Variants in MGAT4C observed in about 807,000 individuals in gnomAD.
The protein encoded by MGAT4C is MGAT4 family member C.
MGAT4C carries 19 observed loss-of-function variants against 40.1 expected under a neutral mutation model. The observed-to-expected ratio is 0.47, with a 90% CI of 0.33 to 0.70. The LOEUF is 0.70. Ranked by LOEUF, MGAT4C falls within the 30% of genes least tolerant of loss-of-function variation. The pLI is 0.02. For missense variants in MGAT4C, 491 were observed against 563.2 expected (o/e 0.87, Z 1.30); for synonymous variants, 181 against 187.1 (o/e 0.97, Z 0.27).
chr12:86,203,818 G>T (rs1472320787), intron 1 of MGAT4C, among the ~76,000 whole-genome samples: 2 of 151,786 alleles, frequency 1.3e-5, no homozygotes, highest in Non-Finnish European at 2.9e-5. Context: ...TTAGCTGGGC[G>T]TGGTGGTGCA....
intron 2 of MGAT4C, among the ~76,000 whole-genome samples, chr12:86,654,491 A>G (rs1031902024): frequency 6.6e-6 from 1 of 152,046 alleles, no homozygotes; most frequent in Non-Finnish European, 1.5e-5. Flanking sequence ...ACTTCAAAAC[A>G]TCAGAGGTTT....
chr12:86,710,625 T>C (rs532988526), intron 2 of MGAT4C, among the ~76,000 whole-genome samples: 1 of 152,190 alleles, frequency 6.6e-6, no homozygotes, highest in African/African-American at 2.4e-5. Flanking sequence ...GAAAACAATA[T>C]GGAGATTCCT....
At chr12:86,757,921 T>C (rs1482340534) in intron 1 of MGAT4C, among the ~76,000 whole-genome samples, 4 of 152,174 alleles carry the variant, frequency 2.6e-5, no homozygotes, top group Non-Finnish European at 5.9e-5. Context: ...CTGGTCACTT[T>C]TAAAACCTCT....
At chr12:86,422,376 T>C (rs1956844036) in intron 3 of MGAT4C, among the ~76,000 whole-genome samples, 1 of 152,212 alleles carries the variant, frequency 6.6e-6, no homozygotes, top group Non-Finnish European at 1.5e-5. Flanking sequence ...GAGAAACCAA[T>C]TTATTTTCAA....
chr12:86,250,330 T>TGAGAGAGAGAGA (rs3047014), intron 1 of MGAT4C, among the ~76,000 whole-genome samples: 186 of 142,896 alleles, frequency 1.3e-3, no homozygotes, highest in African/African-American at 4.3e-3. Flanking sequence ...ACACACACAC[T>TGAGAGAGAGAGA]GAGAGAGAGA....
At chr12:86,173,940 T>C (rs1444250331) in intron 1 of MGAT4C, among the ~76,000 whole-genome samples, 2 of 152,092 alleles carry the variant, frequency 1.3e-5, no homozygotes, top group African/African-American at 4.8e-5. Flanking sequence ...GATATCACTG[T>C]GTTGTCTTTA....
chr12:86,056,809 A>T (rs1174731553), intron 1 of MGAT4C, among the ~76,000 whole-genome samples: 1 of 152,132 alleles, frequency 6.6e-6, no homozygotes, highest in East Asian at 1.9e-4. Flanking sequence ...GAATCACCAC[A>T]CTGTCTTCCA....
intron 3 of MGAT4C, among the ~76,000 whole-genome samples, chr12:86,369,197 T>A (rs1013641400): frequency 1.3e-5 from 2 of 152,000 alleles, no homozygotes; most frequent in African/African-American, 4.8e-5. Flanking sequence ...AATTTTCCAT[T>A]GCATGGAATA....
chr12:86,543,440 T>C (rs1959178142), intron 2 of MGAT4C, among the ~76,000 whole-genome samples: 1 of 151,888 alleles, frequency 6.6e-6, no homozygotes, highest in South Asian at 2.1e-4. Context: ...AAAAATTCCT[T>C]AGATTATTCT....
intron 1 of MGAT4C, among the ~76,000 whole-genome samples, chr12:86,145,698 C>T (rs1224420059): frequency 6.6e-6 from 1 of 152,060 alleles, no homozygotes; most frequent in Non-Finnish European, 1.5e-5. Flanking sequence ...ATTTGGTAGT[C>T]ATTTATTTAC....
chr12:86,111,969 G>C (rs982981024), intron 1 of MGAT4C, among the ~76,000 whole-genome samples: 2 of 151,624 alleles, frequency 1.3e-5, no homozygotes, highest in Admixed American at 6.6e-5. Context: ...AAATGCTGTT[G>C]GCATAAAATG....
chr12:86,678,720 A>G (rs993104387), intron 2 of MGAT4C, among the ~76,000 whole-genome samples: 1 of 151,718 alleles, frequency 6.6e-6, no homozygotes, highest in Non-Finnish European at 1.5e-5. Context: ...GAGAATGATG[A>G]TTTCCAATTT....
chr12:86,322,338 G>C (rs936662059), intron 4 of MGAT4C, among the ~76,000 whole-genome samples: 1 of 151,380 alleles, frequency 6.6e-6, no homozygotes, highest in African/African-American at 2.4e-5. Context: ...AAACCTGCAC[G>C]TTGTGCACAT....
At chr12:86,111,472 T>G (rs1279772997) in intron 1 of MGAT4C, among the ~76,000 whole-genome samples, 1 of 151,840 alleles carries the variant, frequency 6.6e-6, no homozygotes, top group Non-Finnish European at 1.5e-5. Flanking sequence ...CAGATTTCAT[T>G]TCTCAGTTTT....
At chr12:86,204,255 GA>G (rs1335380598) in intron 1 of MGAT4C, among the ~76,000 whole-genome samples, 3 of 151,378 alleles carry the variant, frequency 2.0e-5, no homozygotes, top group African/African-American at 4.8e-5. Flanking sequence ...TGAGATATAA[GA>G]AAAAAATGGA....
intron 1 of MGAT4C, chr12:86,745,262 A>C (rs1951136061): frequency 6.6e-6 from 1 of 151,688 alleles, no homozygotes; most frequent in East Asian, 1.9e-4. Context: ...TAACTGAATG[A>C]TACCAAGAAA....
intron 2 of MGAT4C, among the ~76,000 whole-genome samples, chr12:86,447,203 G>C (rs747604208): frequency 6.6e-6 from 1 of 152,066 alleles, no homozygotes; most frequent in Non-Finnish European, 1.5e-5. Flanking sequence ...TCGGCTCACC[G>C]CAACCTTTGC....
intron 2 of MGAT4C, among the ~76,000 whole-genome samples, chr12:86,456,006 G>T (rs1210000622): frequency 3.3e-5 from 5 of 152,068 alleles, no homozygotes; most frequent in East Asian, 1.9e-4. Context: ...AGCACTAGGA[G>T]AATTTAATGT....
At chr12:86,566,535 T>TAC (rs1960114402) in intron 2 of MGAT4C, among the ~76,000 whole-genome samples, 2 of 65,498 alleles carry the variant, frequency 3.1e-5, no homozygotes, top group Non-Finnish European at 5.7e-5. Context: ...CATATACATA[T>TAC]ATATATATAT....
Sources: gnomAD v4.1 joint callset for allele counts (sites outside exome capture counted in the v4.1 genomes callset) on GRCh38, gnomAD v4.1.1 for gene constraint, MANE v1.5 for transcripts, NCBI Gene and HGNC (gene_info 2026-07-23, HGNC 2026-07-21) for gene names.